Variants in FGF12 observed in about 807,000 individuals in gnomAD.
FGF12 encodes the protein fibroblast growth factor 12B.
In FGF12, 14 loss-of-function variants were observed where a neutral mutation model predicts 23.6. The ratio of observed to expected loss-of-function variants is 0.59; its 90% CI spans 0.39 to 0.93. The LOEUF is 0.93. FGF12 is among the 40% of genes least tolerant of loss of function. The pLI is 0.00. For missense variants in FGF12, 175 were observed against 217.8 expected, an observed-to-expected ratio of 0.80 and a Z score of 1.24; for synonymous variants, 62 against 77.3, an observed-to-expected ratio of 0.80 and a Z score of 1.04.
At chr3:192,195,560 T>C (rs1311714606) in intron 4 of FGF12, among the ~76,000 whole-genome samples, 1 of 152,232 alleles carries the variant, frequency 6.6e-6, no homozygotes, top group African/African-American at 2.4e-5. Flanking sequence ...CCACATAGTG[T>C]AGGTGTATAG....
chr3:192,392,684 C>T (rs1471974766), intron 2 of FGF12, among the ~76,000 whole-genome samples: 1 of 151,254 alleles, frequency 6.6e-6, no homozygotes, highest in African/African-American at 2.4e-5. Flanking sequence ...AGATGAACTA[C>T]ACATGTAATT....
rs201895011 is a variant in FGF12 at position 192,139,715 on chromosome 3, A to ATT, written c.*4292_*4293dup. The ATT allele has an allele frequency of 2.7e-5, 4 of 150,532 alleles. No homozygotes were observed. The highest frequency in any genetic ancestry group is 9.8e-5 in the African/African-American group (4 of 41,008). 9.3% of individuals were successfully genotyped at this position (150,532 alleles called of 1,614,324 possible). A position where few individuals can be genotyped will look rare whatever the true frequency, so the allele number is the denominator to read the frequency against. ...TATTATCATAATGTTAAATATTCTT[A>ATT]TTTTTTTTTGCTTCCGTCTGTTACT... On this transcript the variant is annotated 3_prime_UTR_variant, in exon 6 of 6. Coordinates refer to ENST00000445105, the MANE Select transcript of FGF12 (RefSeq NM_004113.6).
intron 2 of FGF12, among the ~76,000 whole-genome samples, chr3:192,682,253 T>A (rs1717557125): frequency 6.6e-6 from 1 of 152,198 alleles, no homozygotes; most frequent in African/African-American, 2.4e-5. Context: ...TTATCTGCTA[T>A]AAGCCCCTGA....
chr3:192,260,994 G>T (rs1198225183), intron 4 of FGF12, among the ~76,000 whole-genome samples: 1 of 152,072 alleles, frequency 6.6e-6, no homozygotes, highest in East Asian at 1.9e-4. Flanking sequence ...AGACAGATGG[G>T]GGTAGGGAGT....
At chr3:192,529,056 T>G (rs192422028) in intron 2 of FGF12, among the ~76,000 whole-genome samples, 1 of 152,358 alleles carries the variant, frequency 6.6e-6, no homozygotes, top group East Asian at 1.9e-4. Flanking sequence ...TGCAAATGTA[T>G]GCAGTCAGCT....
chr3:192,229,140 T>G (rs1040714550), intron 4 of FGF12, among the ~76,000 whole-genome samples: 13 of 151,732 alleles, frequency 8.6e-5, no homozygotes, highest in African/African-American at 2.9e-4. Context: ...GCACTATAAA[T>G]TTTATGGATC....
intron 2 of FGF12, among the ~76,000 whole-genome samples, chr3:192,641,485 A>G (rs972679940): frequency 1.4e-5 from 2 of 144,758 alleles, no homozygotes; most frequent in African/African-American, 5.2e-5. Flanking sequence ...GCTCATCACA[A>G]CCTCTGTCTC....
At chr3:192,230,657 C>T (rs1235907535) in intron 4 of FGF12, among the ~76,000 whole-genome samples, 2 of 152,138 alleles carry the variant, frequency 1.3e-5, no homozygotes, top group Non-Finnish European at 2.9e-5. Context: ...AGCACCCACA[C>T]TTCATTTTGA....
chr3:192,422,051 T>C (rs1415617485), intron 2 of FGF12, among the ~76,000 whole-genome samples: 1 of 151,866 alleles, frequency 6.6e-6, no homozygotes, highest in Non-Finnish European at 1.5e-5. Context: ...TTTTTTGGCT[T>C]TTGGTATTTT....
chr3:192,392,723 C>T (rs1028293959), intron 2 of FGF12, among the ~76,000 whole-genome samples: 1 of 152,092 alleles, frequency 6.6e-6, no homozygotes, highest in Non-Finnish European at 1.5e-5. Context: ...CTCTAACCCA[C>T]GACCTTTTTA....
At chr3:192,683,299 G>C (rs967788122) in intron 2 of FGF12, among the ~76,000 whole-genome samples, 3 of 152,124 alleles carry the variant, frequency 2.0e-5, no homozygotes, top group Admixed American at 6.6e-5. Context: ...TGTCAGATTT[G>C]ACTTGCAGCA....
chr3:192,242,328 T>C (rs542611520), intron 4 of FGF12, among the ~76,000 whole-genome samples: 10 of 152,212 alleles, frequency 6.6e-5, no homozygotes, highest in Non-Finnish European at 1.3e-4. Context: ...CATTATGGGA[T>C]GAGCAGCATC....
At chr3:192,532,032 A>G (rs1725101225) in intron 2 of FGF12, among the ~76,000 whole-genome samples, 1 of 152,134 alleles carries the variant, frequency 6.6e-6, no homozygotes, top group South Asian at 2.1e-4. Context: ...ATGTATTTGT[A>G]TGCTTTGTTG....
At chr3:192,645,014 C>T (rs1715950199) in intron 2 of FGF12, among the ~76,000 whole-genome samples, 1 of 152,028 alleles carries the variant, frequency 6.6e-6, no homozygotes, top group Non-Finnish European at 1.5e-5. Context: ...TGAAGGAAAC[C>T]TTATGGGAAA....
At chr3:192,648,666 T>A (rs1458702541) in intron 2 of FGF12, among the ~76,000 whole-genome samples, 1 of 152,168 alleles carries the variant, frequency 6.6e-6, no homozygotes, top group Non-Finnish European at 1.5e-5. Flanking sequence ...ATTATTTTAT[T>A]CATGATTATG....
intron 5 of FGF12, among the ~76,000 whole-genome samples, chr3:192,167,679 C>G (rs1715244792): frequency 7.5e-6 from 1 of 132,624 alleles, no homozygotes; most frequent in Admixed American, 8.3e-5. Flanking sequence ...CAAGAGGAAA[C>G]TTGATTAACC....
intron 2 of FGF12, among the ~76,000 whole-genome samples, chr3:192,492,956 ATT>A (rs766838831): frequency 4.7e-4 from 57 of 121,574 alleles, no homozygotes; most frequent in African/African-American, 5.3e-4. Flanking sequence ...AATTTTTGTA[ATT>A]TTTTTTTTTT....
intron 2 of FGF12, among the ~76,000 whole-genome samples, chr3:192,366,618 C>T (rs1718996662): frequency 6.6e-6 from 1 of 152,146 alleles, no homozygotes; most frequent in Admixed American, 6.5e-5. Flanking sequence ...GACCCAAAGT[C>T]ACAGCCACTC....
intron 2 of FGF12, among the ~76,000 whole-genome samples, chr3:192,668,332 G>A (rs1716975345): frequency 6.6e-6 from 1 of 152,170 alleles, no homozygotes. Flanking sequence ...ATTCTACGGG[G>A]AACTGGGAAG....
Sources: gnomAD v4.1 joint callset for allele counts (sites outside exome capture counted in the v4.1 genomes callset) on GRCh38, gnomAD v4.1.1 for gene constraint, MANE v1.5 for transcripts, NCBI Gene and HGNC (gene_info 2026-07-23, HGNC 2026-07-21) for gene names.